The following LRFN2 variants were observed in gnomAD, a reference collection of about 807,000 sequenced individuals.
LRFN2 encodes leucine-rich repeat and fibronectin type-III domain-containing protein 2.
A neutral mutation model predicts 37.3 loss-of-function variants in LRFN2; 18 were observed. That is an observed-to-expected ratio of 0.48 (90% CI 0.33 to 0.72). The LOEUF (loss-of-function observed/expected upper bound fraction) is 0.72, where lower values mean the gene tolerates loss of function less well. Among genes scored for constraint, LRFN2 ranks in the 30% least tolerant of loss-of-function variants. LRFN2 has a pLI of 0.02. For missense variants in LRFN2, 1,006 were observed against 1,060.7 expected, an observed-to-expected ratio of 0.95 and a Z score of 0.72; for synonymous variants, 556 against 466.6, an observed-to-expected ratio of 1.19 and a Z score of -2.47.
At chr6:40,581,068 C>T (rs1025480138) in intron 1 of LRFN2, among the ~76,000 whole-genome samples, 1 of 152,012 alleles carries the variant, frequency 6.6e-6, no homozygotes, top group African/African-American at 2.4e-5. Context: ...GAAAGAGACA[C>T]CCTCATTCAG....
intron 1 of LRFN2, among the ~76,000 whole-genome samples, chr6:40,482,782 C>G (rs553813107): frequency 6.6e-6 from 1 of 152,128 alleles, no homozygotes; most frequent in Non-Finnish European, 1.5e-5. Context: ...GCCAGGCCAG[C>G]TTTCTTTGGG....
Position 40,456,129 on chromosome 6 carries a change from A to G in LRFN2, c.-18-22998T>C, listed in dbSNP as rs201452783. Among the ~76,000 whole-genome samples the G allele has an allele frequency of 3.9e-5, 6 of 152,360 alleles. No individual in the cohort carries two copies. In the East Asian group the frequency reaches 1.2e-3, roughly 29 times the overall value. On this transcript the variant is annotated intron_variant, in intron 1 of 2. Transcript: ENST00000338305. ...AGGAACTGAATTCTGCCAACTTAGA[A>G]GTAGATATTCCCCTAGAATCAAGCC...
chr6:40,416,591 C>G (rs1160275149), intron 2 of LRFN2, among the ~76,000 whole-genome samples: 4 of 152,158 alleles, frequency 2.6e-5, no homozygotes, highest in Admixed American at 6.5e-5. Context: ...AAGAGAGTTG[C>G]AATAAATAAG....
intron 1 of LRFN2, among the ~76,000 whole-genome samples, chr6:40,505,144 G>A (rs1042128934): frequency 2.0e-5 from 3 of 152,162 alleles, no homozygotes; most frequent in Non-Finnish European, 4.4e-5. Flanking sequence ...TCTGGTTCAG[G>A]TGGGCATCTG....
At chr6:40,411,445 T>G (rs1762965007) in intron 2 of LRFN2, among the ~76,000 whole-genome samples, 1 of 152,190 alleles carries the variant, frequency 6.6e-6, no homozygotes, top group Non-Finnish European at 1.5e-5. Flanking sequence ...GGAAAAGGAT[T>G]GACCTGAGGC....
chr6:40,535,602 G>A (rs1023728639), intron 1 of LRFN2, among the ~76,000 whole-genome samples: 10 of 152,120 alleles, frequency 6.6e-5, no homozygotes, highest in East Asian at 1.9e-4. Flanking sequence ...ATCCTTGGCC[G>A]GGGGTGGGAC....
chr6:40,412,257 A>G (rs3004074), intron 2 of LRFN2, among the ~76,000 whole-genome samples: 84,684 of 152,018 alleles, frequency 0.56, 25,399 homozygotes, highest in South Asian at 0.75. Flanking sequence ...CACCTTACAA[A>G]TTCTCAGGAA....
At chr6:40,471,515 C>T (rs1764594740) in intron 1 of LRFN2, among the ~76,000 whole-genome samples, 1 of 152,164 alleles carries the variant, frequency 6.6e-6, no homozygotes, top group Non-Finnish European at 1.5e-5. Context: ...GCGTTCAGCC[C>T]TAGAGCCAGC....
intron 1 of LRFN2, among the ~76,000 whole-genome samples, chr6:40,511,113 A>G (rs865867837): frequency 6.6e-6 from 1 of 152,112 alleles, no homozygotes. Flanking sequence ...CATGCACACC[A>G]GGGGAAATAA....
In LRFN2 at chr6:40,454,643, C is replaced by T. The variant is rs1035439512; in HGVS notation, c.-18-21512G>A. Reference sequence around the variant, plus strand: ...CCCTACCTGGGGCCCCTTCCTTGTTCTTCTTTACTTATCTTATCAGGACTC... The same window carrying T: ...CCCTACCTGGGGCCCCTTCCTTGTTTTTCTTTACTTATCTTATCAGGACTC... On this transcript the variant is annotated intron_variant, in intron 1 of 2. Coordinates refer to ENST00000338305, the MANE Select transcript of LRFN2 (RefSeq NM_020737.3). 2.6e-5 allele frequency among the ~76,000 whole-genome samples: 4 copies of T among 152,152 alleles called. 1 individual carries two copies. The highest frequency in any genetic ancestry group is 2.6e-4 in the Admixed American group (4 of 15,278).
chr6:40,558,076 G>T (rs529415391), intron 1 of LRFN2, among the ~76,000 whole-genome samples: 1 of 152,176 alleles, frequency 6.6e-6, no homozygotes, highest in Admixed American at 6.5e-5. Context: ...CTGACTCCAC[G>T]CACGTGAAGG....
intron 1 of LRFN2, among the ~76,000 whole-genome samples, chr6:40,480,566 C>T (rs1271847543): frequency 6.6e-6 from 1 of 152,148 alleles, no homozygotes; most frequent in African/African-American, 2.4e-5. Flanking sequence ...GTATGAGCCA[C>T]CACACCCAAT....
chr6:40,426,858 A>T (rs1763364661), intron 2 of LRFN2, among the ~76,000 whole-genome samples: 1 of 152,186 alleles, frequency 6.6e-6, no homozygotes, highest in Non-Finnish European at 1.5e-5. Context: ...CCCAGATTAA[A>T]CATATTAAAG....
rs772359438 is a variant in LRFN2, at chr6:40,432,023, G to A, written c.1091C>T (p.Ala364Val). ...CACCATGGCCGTGGCCTCTCCGGCA[G>A]CATTGGCAGCAATGCAGGTGAAGGC... ...SGAFTCIAAN[A>V]AGEATAMVEV... The change falls in exon 2 of 3, where the codon GCT (alanine) becomes GTT (valine). Residue 364 changes from alanine (A) to valine (V), a missense_variant. Transcript: ENST00000338305. 3.7e-6 allele frequency: 6 copies of A among 1,613,960 alleles called. No homozygotes were observed. In the African/African-American group the frequency reaches 5.3e-5, roughly 14 times the overall value.
chr6:40,508,906 T>G (rs866134123), intron 1 of LRFN2, among the ~76,000 whole-genome samples: 3 of 152,214 alleles, frequency 2.0e-5, no homozygotes, highest in Admixed American at 1.3e-4. Flanking sequence ...CTGGACCTCA[T>G]TCTCACATCC....
chr6:40,546,932 T>C (rs1766673505), intron 1 of LRFN2, among the ~76,000 whole-genome samples: 1 of 152,200 alleles, frequency 6.6e-6, no homozygotes, highest in South Asian at 2.1e-4. Context: ...CTCAGTTTCT[T>C]CATTTGTCAA....
intron 1 of LRFN2, among the ~76,000 whole-genome samples, chr6:40,576,824 C>T (rs1200042165): frequency 6.6e-6 from 1 of 152,092 alleles, no homozygotes; most frequent in Admixed American, 6.5e-5. Flanking sequence ...GTCCCACCCC[C>T]AGCTCTCCTG....
chr6:40,540,075 T>C (rs1203601002), intron 1 of LRFN2, among the ~76,000 whole-genome samples: 1 of 152,128 alleles, frequency 6.6e-6, no homozygotes. Flanking sequence ...ATGGATGCAG[T>C]AGTTGAGAGA....
At chr6:40,538,675 T>G (rs955801920) in intron 1 of LRFN2, among the ~76,000 whole-genome samples, 2 of 152,200 alleles carry the variant, frequency 1.3e-5, no homozygotes, top group Admixed American at 1.3e-4. Flanking sequence ...CATTCCCAGC[T>G]TCTCCTCCTA....
Sources: gnomAD v4.1 joint callset for allele counts (sites outside exome capture counted in the v4.1 genomes callset) on GRCh38, gnomAD v4.1.1 for gene constraint, MANE v1.5 for transcripts, NCBI Gene and HGNC (gene_info 2026-07-23, HGNC 2026-07-21) for gene names.